The following ZFAT variants were observed in gnomAD, a reference collection of about 807,000 sequenced individuals.
ZFAT encodes zinc finger protein ZFAT.
A neutral mutation model predicts 117.7 loss-of-function variants in ZFAT; 64 were observed. That is an observed-to-expected ratio of 0.54 (90% CI 0.44 to 0.67). The LOEUF (loss-of-function observed/expected upper bound fraction) is 0.67. ZFAT is among the 30% of genes least tolerant of loss of function. The pLI is 0.00. For synonymous variants in ZFAT, 679 were observed against 615.0 expected, an observed-to-expected ratio of 1.10 and a Z score of -1.54; for missense variants, 1,433 against 1,584.5, an observed-to-expected ratio of 0.90 and a Z score of 1.62.
At chr8:134,669,943 G>C (rs1000632168) in intron 1 of ZFAT, among the ~76,000 whole-genome samples, 4 of 152,170 alleles carry the variant, frequency 2.6e-5, no homozygotes, top group African/African-American at 9.7e-5. Context: ...AAAGGCAGAG[G>C]TTGCAATCCT....
chr8:134,801,681 A>C, the ZFAT span, among the ~76,000 whole-genome samples: 1 of 152,178 alleles, frequency 6.6e-6, no homozygotes, highest in Admixed American at 6.5e-5. Flanking sequence ...AAACACATTC[A>C]AATAGGCCCC....
intron 5 of ZFAT, among the ~76,000 whole-genome samples, chr8:134,607,396 T>C (rs1301354434): frequency 6.6e-6 from 1 of 152,270 alleles, no homozygotes; most frequent in Non-Finnish European, 1.5e-5. Context: ...GAGCACTACA[T>C]GTGCCAGGCA....
chr8:134,734,285 C>T, the ZFAT span, among the ~76,000 whole-genome samples: 3 of 152,318 alleles, frequency 2.0e-5, no homozygotes, highest in South Asian at 6.2e-4. Flanking sequence ...CCACTTCCGG[C>T]GGCTCCTGTC....
the ZFAT span, among the ~76,000 whole-genome samples, chr8:134,817,091 T>C: frequency 2.6e-5 from 4 of 152,148 alleles, no homozygotes; most frequent in Non-Finnish European, 5.9e-5. Flanking sequence ...GGCTAGGCTA[T>C]GCTGCCCAGT....
chr8:134,724,930 C>T, the ZFAT span, among the ~76,000 whole-genome samples: 2,844 of 152,256 alleles, frequency 0.019, 76 homozygotes, highest in African/African-American at 0.064. Flanking sequence ...CCAAGCTCAC[C>T]TCTCCACCTG....
the ZFAT span, among the ~76,000 whole-genome samples, chr8:134,758,914 T>G: frequency 6.6e-6 from 1 of 152,116 alleles, no homozygotes; most frequent in Non-Finnish European, 1.5e-5. Flanking sequence ...AGTGATGTGG[T>G]GCTCCACCTT....
the ZFAT span, among the ~76,000 whole-genome samples, chr8:134,721,209 G>A: frequency 6.6e-6 from 1 of 152,148 alleles, no homozygotes; most frequent in Admixed American, 6.5e-5. Context: ...CATTCCACTG[G>A]CCTGTGTTCT....
At chr8:134,533,108 G>A in intron 11 of ZFAT, 136 bp from the exon 12 acceptor site, 1 of 1,337,926 alleles carries the variant, frequency 7.5e-7, no homozygotes, top group South Asian at 1.5e-5. Flanking sequence ...ATGTTCTAGG[G>A]AAAACCACTA....
intron 11 of ZFAT, among the ~76,000 whole-genome samples, chr8:134,549,220 T>C (rs985686053): frequency 2.6e-5 from 4 of 152,002 alleles, no homozygotes; most frequent in Admixed American, 2.6e-4. Flanking sequence ...GGCAGGCGGA[T>C]CACGAGGTCA....
rs1374844001 is a variant in ZFAT at position 134,485,525 on chromosome 8, C to T, written c.3493-6804G>A. 5.9e-5 allele frequency among the ~76,000 whole-genome samples: 9 copies of T among 152,316 alleles called. No individual in the cohort carries two copies. In the East Asian group the frequency reaches 9.6e-4, roughly 16 times the overall value. ...AGACAACCCCTCCTCATCTGACACA[C>T]GTTTTCTGGAATCCTTGACACTGAT... On this transcript the variant is annotated intron_variant, in intron 15 of 15. Transcript: ENST00000377838.
chr8:134,700,773 G>A (rs996787919), intron 1 of ZFAT, among the ~76,000 whole-genome samples: 3 of 152,068 alleles, frequency 2.0e-5, no homozygotes, highest in South Asian at 2.1e-4. Flanking sequence ...TGAGCCCCTC[G>A]CCCAGCCCAG....
rs193040099 is a variant in ZFAT at position 134,583,957 on chromosome 8, T to C, written c.2762A>G (p.Lys921Arg). ...ATTCATATGAGCCTTGAGGTTACTC[T>C]TGCTACGAGTTGCATACTCACACAA... ...CSLCEYATRS[K>R]SNLKAHMNRH... Residue 921 changes from lysine to arginine, a missense_variant, in exon 10 of 16, where the codon AAG becomes AGG. Physicochemically the swap from Lys to Arg is conservative, Grantham distance 26 (BLOSUM62 2). This residue lies in a region of ZFAT where 503 missense variants were observed against 543.4 expected (regional missense o/e 0.93). Transcript: ENST00000377838. 3.2e-6 allele frequency: 5 copies of C among 1,571,500 alleles called. No homozygotes were observed. The highest frequency in any genetic ancestry group is 1.7e-4 in the Middle Eastern group (1 of 6,016).
At chr8:134,714,781 T>C (rs1052055378), upstream of ZFAT, among the ~76,000 whole-genome samples, 1 of 151,934 alleles carries the variant, frequency 6.6e-6, no homozygotes, top group Non-Finnish European at 1.5e-5. Flanking sequence ...GAGCCAGGTG[T>C]GGATCTCGCC....
chr8:134,576,393 A>G (rs1049514262), intron 10 of ZFAT, among the ~76,000 whole-genome samples: 13 of 152,120 alleles, frequency 8.5e-5, no homozygotes, highest in African/African-American at 3.1e-4. Flanking sequence ...ACTCCAGCCC[A>G]GTGATAAGCA....
intron 6 of ZFAT, 108 bp from the exon 7 acceptor site, chr8:134,600,776 T>G: frequency 2.8e-5 from 24 of 868,380 alleles, no homozygotes; most frequent in South Asian, 4.0e-5. Context: ...CCTCTTGCGC[T>G]TGTCCGGGTC....
the ZFAT span, among the ~76,000 whole-genome samples, chr8:134,777,608 C>T: frequency 6.6e-6 from 1 of 152,270 alleles, no homozygotes; most frequent in African/African-American, 2.4e-5. Flanking sequence ...ATAGTAGATG[C>T]TATTTAAATG....
rs779613662 is a variant in ZFAT at position 134,661,392 on chromosome 8, ACTGT to A, written c.20-3659_20-3656del. On this transcript the variant is annotated intron_variant, in intron 1 of 15. Transcript: ENST00000377838. ...ACCAGCAGAGCAAAGGCAAGGAGAA[ACTGT>A]CTGAAGGGGCTGGCCCTGAAGGAGA... is the stretch of plus-strand genomic sequence containing the variant. Among the ~76,000 whole-genome samples the A allele has an allele frequency of 3.9e-5, 6 of 152,116 alleles. No individual in the cohort carries two copies. In the East Asian group the frequency reaches 1.2e-3, roughly 29 times the overall value.
chr8:134,501,719 T>C (rs1818993160), intron 15 of ZFAT, among the ~76,000 whole-genome samples: 1 of 152,220 alleles, frequency 6.6e-6, no homozygotes, highest in Non-Finnish European at 1.5e-5. Flanking sequence ...GTGACTCTCC[T>C]TTTATCTGCA....
At chr8:134,772,937 A>C in the ZFAT span, among the ~76,000 whole-genome samples, 40 of 151,894 alleles carry the variant, frequency 2.6e-4, no homozygotes, top group African/African-American at 8.5e-4. Flanking sequence ...ACAACAACAA[A>C]AAAAACTAGC....
Sources: gnomAD v4.1 joint callset for allele counts (sites outside exome capture counted in the v4.1 genomes callset) on GRCh38, gnomAD v4.1.1 for gene constraint, gnomAD v4.1.1 regional missense constraint, MANE v1.5 for transcripts, NCBI Gene and HGNC (gene_info 2026-07-23, HGNC 2026-07-21) for gene names.